CCDC171: variants seen among roughly 807,000 people sequenced by gnomAD.
The protein encoded by CCDC171 is coiled-coil domain-containing protein 171.
In CCDC171, 177 loss-of-function variants were observed where a neutral mutation model predicts 168.2. That is an observed-to-expected ratio of 1.05 (90% CI 0.93 to 1.19). The LOEUF is 1.19. CCDC171 is among the 50% of genes most tolerant of loss of function. The pLI is 0.00. For synonymous variants in CCDC171, 687 were observed against 540.8 expected (o/e 1.27, Z -3.75); for missense variants, 1,991 against 1,539.0 (o/e 1.29, Z -4.91).
At chr9:15,750,486 T>C (rs917479169) in intron 18 of CCDC171, among the ~76,000 whole-genome samples, 3 of 152,202 alleles carry the variant, frequency 2.0e-5, no homozygotes, top group Admixed American at 6.5e-5. Flanking sequence ...ATCATCCTGA[T>C]ACCAAAGCCT....
chr9:16,072,142 A>G, the CCDC171 span, among the ~76,000 whole-genome samples: 1 of 152,234 alleles, frequency 6.6e-6, no homozygotes, highest in South Asian at 2.1e-4. Flanking sequence ...TGCAAAGCTC[A>G]TATGAATTTT....
chr9:16,052,845 C>T (rs927473494), intron 1 of CCDC171, among the ~76,000 whole-genome samples: 10 of 150,918 alleles, frequency 6.6e-5, no homozygotes, highest in African/African-American at 1.2e-4. Flanking sequence ...AGTGAGTGAG[C>T]GTGTCCCATT....
chr9:15,728,013 G>C lies in CCDC171; in HGVS notation c.1837G>C (p.Asp613His), dbSNP rs756481660. 1 of 1,612,518 alleles carries C rather than the reference G, an allele frequency of 6.2e-7. No homozygotes were observed. The highest frequency in any genetic ancestry group is 8.5e-7 in the Non-Finnish European group (1 of 1,179,174). The change falls in exon 15 of 26, where the codon GAC becomes CAC. Residue 613 changes from aspartate to histidine, a missense_variant. By Grantham distance (81) the Asp-to-His change is moderately conservative (BLOSUM62 -1). Coordinates refer to ENST00000380701, the MANE Select transcript of CCDC171 (RefSeq NM_173550.4). ...GGAGAATGTTGATGCCCTGATTGCA[G>C]ACCTCAACAGGGCTAATGAGAAGGT... is the stretch of plus-strand genomic sequence containing the variant. Reference protein sequence around the residue: ...LQENVDALIADLNRANEKIRH... With the variant: ...LQENVDALIAHLNRANEKIRH...
chr9:15,636,149 A>C (rs894572834), intron 7 of CCDC171, among the ~76,000 whole-genome samples: 1 of 152,012 alleles, frequency 6.6e-6, no homozygotes, highest in Non-Finnish European at 1.5e-5. Context: ...GATTATTTGT[A>C]CTATGTATAT....
Position 15,920,333 on chromosome 9 carries a change from A to G in CCDC171, c.3664A>G (p.Lys1222Glu). 1 of 1,609,386 alleles carries G rather than the reference A, an allele frequency of 6.2e-7. No individual in the cohort carries two copies. The highest frequency in any genetic ancestry group is 8.5e-7 in the Non-Finnish European group (1 of 1,176,852). Residue 1222 changes from lysine to glutamate, a missense_variant, in exon 25 of 26, where the codon AAG (lysine) becomes GAG (glutamate). Transcript: ENST00000380701. ...LASTRIMTLE[K>E]EMTSHRSHIA... ...AAGCACTAGAATCATGACATTAGAG[A>G]AGGAAATGACATCTCATCGAAGTCA...
At position 15,578,970 on chromosome 9, in the gene CCDC171, G is replaced by A. The variant is rs1206065316; in HGVS notation, c.299G>A (p.Arg100Gln). Residue 100 changes from arginine to glutamine, a missense_variant, in exon 4 of 26, where the codon CGG becomes CAG. Transcript: ENST00000380701. ...VARKEAGLGR[R>Q]AAEERLAEAH... is the part of the protein sequence containing the mutation. ...AGAAAGGAAGCTGGTCTTGGAAGAC[G>A]GGCTGCTGAAGAAAGATTAGCCGAG... 8.1e-6 allele frequency: 13 copies of A among 1,613,850 alleles called. No individual in the cohort carries two copies. The highest frequency in any genetic ancestry group is 2.7e-5 in the African/African-American group (2 of 74,890).
At chr9:15,832,475 T>C (rs926966079) in intron 21 of CCDC171, among the ~76,000 whole-genome samples, 1 of 152,198 alleles carries the variant, frequency 6.6e-6, no homozygotes, top group East Asian at 1.9e-4. Context: ...CTGTTGCTTC[T>C]AGGCTACAAA....
At chr9:15,721,639 A>C in intron 11 of CCDC171, 130 bp from the exon 12 acceptor site, 4 of 325,536 alleles carry the variant, frequency 1.2e-5, no homozygotes, top group East Asian at 4.8e-5. Context: ...ATACTGCTGT[A>C]TGGCCAAGTA....
intron 21 of CCDC171, among the ~76,000 whole-genome samples, chr9:15,813,089 G>T (rs2059425047): frequency 6.6e-6 from 1 of 152,190 alleles, no homozygotes. Flanking sequence ...CGCAGCCTGT[G>T]GGCAGAGACT....
At chr9:15,924,264 C>T (rs1589141485) in intron 25 of CCDC171, among the ~76,000 whole-genome samples, 1 of 151,168 alleles carries the variant, frequency 6.6e-6, no homozygotes, top group African/African-American at 2.4e-5. Flanking sequence ...TAGTGTGTGC[C>T]ATAGAAGTCA....
At chr9:15,603,504 A>AT (rs2043010155) in intron 6 of CCDC171, among the ~76,000 whole-genome samples, 1 of 151,920 alleles carries the variant, frequency 6.6e-6, no homozygotes, top group Admixed American at 6.6e-5. Context: ...AACATGCGGT[A>AT]TTTCGTTTTC....
chr9:15,729,883 A>G (rs1157403426), intron 16 of CCDC171, 85 bp downstream of exon 16: 2 of 1,036,870 alleles, frequency 1.9e-6, no homozygotes, highest in East Asian at 4.8e-5. Context: ...AGCAGTGCTA[A>G]ATCAGTTTAA....
intron 23 of CCDC171, among the ~76,000 whole-genome samples, chr9:15,857,404 T>A (rs9407669): frequency 0.39 from 59,189 of 151,668 alleles, 11,784 homozygotes; most frequent in African/African-American, 0.43. Flanking sequence ...AGATTTTTTT[T>A]AATATGGTGT....
At chr9:15,563,425 A>C (rs1468918017) in intron 1 of CCDC171, among the ~76,000 whole-genome samples, 4 of 152,126 alleles carry the variant, frequency 2.6e-5, no homozygotes, top group African/African-American at 9.7e-5. Flanking sequence ...GTCGTGAGCC[A>C]CCGCACCCGG....
At chr9:15,774,629 C>A (rs912538238) in intron 18 of CCDC171, among the ~76,000 whole-genome samples, 1 of 152,104 alleles carries the variant, frequency 6.6e-6, no homozygotes, top group African/African-American at 2.4e-5. Context: ...GAAAAGATGT[C>A]GTTATACAAA....
intron 25 of CCDC171, among the ~76,000 whole-genome samples, chr9:15,968,465 A>G (rs528611655): frequency 2.9e-4 from 44 of 152,256 alleles, no homozygotes; most frequent in African/African-American, 9.4e-4. Flanking sequence ...TTATAACAAG[A>G]AAAACCGGTC....
intron 4 of CCDC171, chr9:15,588,700 CTTTTTT>C (rs71323963): frequency 0.37 from 45,340 of 123,944 alleles, 7,379 homozygotes; most frequent in East Asian, 0.58. Context: ...AAGATGCAGA[CTTTTTT>C]TTTTTTTTTT....
At chr9:15,806,250 T>A (rs1223995940) in intron 21 of CCDC171, among the ~76,000 whole-genome samples, 1 of 152,172 alleles carries the variant, frequency 6.6e-6, no homozygotes, top group East Asian at 1.9e-4. Context: ...GTTAGTATTG[T>A]TATGTGTAGA....
intron 11 of CCDC171, among the ~76,000 whole-genome samples, chr9:15,708,208 A>C (rs766405233): frequency 1.3e-5 from 2 of 152,266 alleles, no homozygotes; most frequent in East Asian, 3.8e-4. Flanking sequence ...GCAAACAATC[A>C]AGTTTAAAGT....
Sources: gnomAD v4.1 joint callset for allele counts (sites outside exome capture counted in the v4.1 genomes callset) on GRCh38, gnomAD v4.1.1 for gene constraint, MANE v1.5 for transcripts, NCBI Gene and HGNC (gene_info 2026-07-23, HGNC 2026-07-21) for gene names.